Variants in SLC6A15 observed in about 807,000 individuals in gnomAD.
The protein encoded by SLC6A15 is solute carrier family 6 member 15.
A neutral mutation model predicts 68.5 loss-of-function variants in SLC6A15; 33 were observed. That is an observed-to-expected ratio of 0.48 (90% CI 0.37 to 0.64). SLC6A15 has a LOEUF of 0.64. Among genes scored for constraint, SLC6A15 ranks in the 30% least tolerant of loss-of-function variants. The pLI is 0.00. For missense variants in SLC6A15, 747 were observed against 874.3 expected, an observed-to-expected ratio of 0.85 and a Z score of 1.84; for synonymous variants, 347 against 301.0, an observed-to-expected ratio of 1.15 and a Z score of -1.58.
chr12:84,902,664 T>TA (rs140620438), intron 1 of SLC6A15, among the ~76,000 whole-genome samples: 2 of 151,716 alleles, frequency 1.3e-5, no homozygotes, highest in African/African-American at 4.8e-5. Context: ...TACTCAGCAG[T>TA]AAAAAAGAAC....
At chr12:84,889,430 C>G (rs370177051) in intron 2 of SLC6A15, among the ~76,000 whole-genome samples, 2 of 149,820 alleles carry the variant, frequency 1.3e-5, no homozygotes, top group Non-Finnish European at 2.9e-5. Context: ...GCGGAGCTTG[C>G]AGTGAGCAGA....
intron 6 of SLC6A15, among the ~76,000 whole-genome samples, chr12:84,875,687 TATATATATATATG>T (rs1325154158): frequency 0.46 from 1,460 of 3,180 alleles, 204 homozygotes; most frequent in African/African-American, 0.52. Context: ...TATATATATA[TATATATATATATG>T]AGAATCAAAA....
chr12:84,881,386 C>T, intron 5 of SLC6A15: 17 of 917,564 alleles, frequency 1.9e-5, no homozygotes, highest in Non-Finnish European at 2.0e-5. Flanking sequence ...CTCTCTATGG[C>T]CACACAAAGC....
chr12:84,891,804 T>C lies in SLC6A15; in HGVS notation c.289+28A>G, dbSNP rs367871156. The stretch of plus-strand genomic sequence containing the variant: ...GAAACCCAATTGCAATTTACTACAG[T>C]AATTTATCACTTAAAAAGATTACTT... On this transcript the variant is annotated intron_variant, in intron 2 of 11. Transcript: ENST00000266682. 5.7e-6 allele frequency: 9 copies of C among 1,582,134 alleles called. No homozygotes were observed. The African/African-American group carries it at 1.1e-4, about 19-fold the overall frequency.
intron 6 of SLC6A15, among the ~76,000 whole-genome samples, chr12:84,874,808 A>G (rs1280550911): frequency 2.6e-5 from 4 of 151,912 alleles, no homozygotes; most frequent in Non-Finnish European, 4.4e-5. Flanking sequence ...CTAAATCTCC[A>G]CTCACTGTTT....
At chr12:84,878,603 CTGAT>C (rs142009875) in intron 5 of SLC6A15, among the ~76,000 whole-genome samples, 4,137 of 151,716 alleles carry the variant, frequency 0.027, 202 homozygotes, top group African/African-American at 0.097. Flanking sequence ...TCTAGATAGA[CTGAT>C]TATGATTTTA....
At chr12:84,903,705 T>A (rs1872996572) in intron 1 of SLC6A15, among the ~76,000 whole-genome samples, 1 of 152,054 alleles carries the variant, frequency 6.6e-6, no homozygotes, top group African/African-American at 2.4e-5. Flanking sequence ...CAGTCTAACA[T>A]CCCTCTCCAT....
chr12:84,867,776 T>A (rs551992529), intron 9 of SLC6A15: 1 of 152,174 alleles, frequency 6.6e-6, no homozygotes, highest in Non-Finnish European at 1.5e-5. Context: ...ACAGATTAGT[T>A]TGGAAACAAA....
At position 84,861,544 on chromosome 12, in the gene SLC6A15, TG is replaced by T. The variant is rs1202948045; in HGVS notation, c.*87del. The T allele has an allele frequency of 2.8e-6, 4 of 1,447,156 alleles. No homozygotes were observed. The highest frequency in any genetic ancestry group is 2.8e-6 in the Non-Finnish European group (3 of 1,073,458). The allele number at this position is 1,447,156 out of a possible 1,614,324, so 89.6% of individuals were successfully genotyped here. A position where few individuals can be genotyped will look rare whatever the true frequency, so the allele number is the denominator to read the frequency against. On this transcript the variant is annotated 3_prime_UTR_variant, in exon 12 of 12. Transcript: ENST00000266682. Reference sequence around the variant, plus strand: ...CCACGGAACACCTGAGATTGCCCTCTGATAAGTGAAGCCTAATGCTTCTCCT... The same window carrying T: ...CCACGGAACACCTGAGATTGCCCTCTATAAGTGAAGCCTAATGCTTCTCCT...
Position 84,870,653 on chromosome 12 carries a change from G to A in SLC6A15, c.1320C>T (p.Gly440=). 2 of 1,610,696 alleles carry A rather than the reference G, an allele frequency of 1.2e-6. No individual in the cohort carries two copies. Among genetic ancestry groups the A allele is most frequent in the Non-Finnish European group, 1.7e-6 (2 of 1,178,248 alleles). Residue 440 remains glycine (G), a synonymous_variant, in exon 9 of 12, where the codon GGC becomes GGT. Transcript: ENST00000266682. ...CTTCTGTAAAGGCAATAAAAGCTAA[G>A]CCGGTCCCCTGAACAGCCTGCAAAA... ...EELNKAVQGT[G]LAFIAFTEAM... is the part of the protein sequence containing the mutation.
At chr12:84,883,071 A>G in intron 5 of SLC6A15, 1 of 985,168 alleles carries the variant, frequency 1.0e-6, no homozygotes, top group Non-Finnish European at 1.2e-6. Flanking sequence ...GTTAAACGGC[A>G]GAGAGAAGAG....
chr12:84,883,349 A>T (rs1247555671), intron 5 of SLC6A15: 23 of 991,220 alleles, frequency 2.3e-5, no homozygotes, highest in Non-Finnish European at 2.6e-5. Flanking sequence ...TCCTTGTTGG[A>T]ATTATTATTA....
chr12:84,908,877 A>G (rs1056023350), intron 1 of SLC6A15, among the ~76,000 whole-genome samples: 7 of 151,710 alleles, frequency 4.6e-5, no homozygotes, highest in Non-Finnish European at 7.4e-5. Context: ...ATTCTTCAAA[A>G]CTCTTGATCT....
At position 84,886,079 on chromosome 12, in the gene SLC6A15, A is replaced by G. The variant is rs561259686; in HGVS notation, c.290-11T>C. 3 of 1,538,414 alleles carry G rather than the reference A, an allele frequency of 2.0e-6. No homozygotes were observed. The highest frequency in any genetic ancestry group is 1.4e-5 in the African/African-American group (1 of 72,442). ...GTAAAAGATATGCACCTAAAGAAAC[A>G]ACAACAAAAAATAGATTATATTTTC... is the stretch of plus-strand genomic sequence containing the variant. On this transcript the variant is annotated splice_polypyrimidine_tract_variant and intron_variant, in intron 2 of 11. Coordinates refer to ENST00000266682, the MANE Select transcript of SLC6A15 (RefSeq NM_182767.6).
In SLC6A15 at chr12:84,870,591, AC is replaced by A; in HGVS notation, c.1381del (p.Val461Ter). The A allele has an allele frequency of 3.1e-6, 5 of 1,612,736 alleles. No individual in the cohort carries two copies. The highest frequency in any genetic ancestry group is 4.2e-6 in the Non-Finnish European group (5 of 1,179,234). ...ATTGACCAGCATGAGGAAAAACATC[AC>A]TGACCAGAAGGGAGATGCAGGAAAA... ...THFPASPFWS[V>X]MFFLMLVNLG... On this transcript the variant is annotated frameshift_variant, in exon 9 of 12. Coordinates refer to ENST00000266682, the MANE Select transcript of SLC6A15 (RefSeq NM_182767.6). LOFTEE classifies it high-confidence loss of function.
rs746598657 is a variant in SLC6A15, at chr12:84,860,001, T to C, written c.*1631A>G. The C allele has an allele frequency of 2.6e-5, 4 of 152,062 alleles. No individual in the cohort carries two copies. Among genetic ancestry groups the C allele is most frequent in the African/African-American group, 7.2e-5 (3 of 41,456 alleles). 9.4% of individuals were successfully genotyped at this position (152,062 alleles called of 1,614,324 possible). A position where few individuals can be genotyped will look rare whatever the true frequency, so the allele number is the denominator to read the frequency against. On this transcript the variant is annotated 3_prime_UTR_variant, in exon 12 of 12. Transcript: ENST00000266682. ...GTCATAATTTTTTAGTTTTGTATAA[T>C]GTGCATATACTGCCTATTTATAAAA...
At chr12:84,906,409 T>C (rs1418947529) in intron 1 of SLC6A15, among the ~76,000 whole-genome samples, 1 of 152,156 alleles carries the variant, frequency 6.6e-6, no homozygotes, top group East Asian at 1.9e-4. Flanking sequence ...AAAATATCAG[T>C]GACATTTTTC....
rs1872413973 is a variant in SLC6A15 at position 84,891,884 on chromosome 12, T to C, written c.237A>G (p.Val79=). 6.2e-7 allele frequency: 1 copy of C among 1,614,070 alleles called. No individual in the cohort carries two copies. The highest frequency in any genetic ancestry group is 8.5e-7 in the Non-Finnish European group (1 of 1,179,976). The change falls in exon 2 of 12, where the codon GTA becomes GTG. Residue 79 remains valine, a synonymous_variant. Coordinates refer to ENST00000266682, the MANE Select transcript of SLC6A15 (RefSeq NM_182767.6). ...QYILAQVGFS[V]GLGNVWRFPY... is the part of the protein sequence containing the mutation. ...GAAATCGCCACACATTTCCTAAACC[T>C]ACAGAAAATCCAACTTGGGCCAGGA...
intron 4 of SLC6A15, 49 bp from the exon 5 acceptor site, chr12:84,884,089 T>C: frequency 1.3e-6 from 2 of 1,488,400 alleles, no homozygotes; most frequent in Middle Eastern, 1.8e-4. Flanking sequence ...TAAAGAGCAA[T>C]GCGACAATTT....
Sources: allele counts gnomAD v4.1 joint callset (sites outside exome capture counted in the v4.1 genomes callset), GRCh38; gene constraint gnomAD v4.1.1; transcripts MANE v1.5; gene names NCBI Gene and HGNC (gene_info 2026-07-23, HGNC 2026-07-21).